Variants in SYT16 observed in about 807,000 individuals in gnomAD.
SYT16 encodes synaptotagmin 16.
Under a neutral mutation model 61.4 loss-of-function variants are expected in SYT16, and 42 were observed. That is an observed-to-expected ratio of 0.68 (90% confidence interval 0.53 to 0.89). The LOEUF (loss-of-function observed/expected upper bound fraction) is 0.89, where lower values mean the gene tolerates loss of function less well. Ranked by LOEUF, SYT16 falls within the 40% of genes least tolerant of loss-of-function variation. The probability of loss-of-function intolerance (pLI) is 0.00; values close to 1 mark genes in which losing one functional copy is unlikely to be tolerated. For synonymous variants in SYT16, 314 were observed against 302.3 expected (o/e 1.04, Z -0.40); for missense variants, 804 against 807.3 (o/e 1.00, Z 0.05).
intron 1 of SYT16, among the ~76,000 whole-genome samples, chr14:61,822,050 C>G (rs1333730070): frequency 6.6e-6 from 1 of 152,164 alleles, no homozygotes; most frequent in Non-Finnish European, 1.5e-5. Flanking sequence ...CATGAGCAAG[C>G]TGCAGAACCA....
rs539036186 is a variant in SYT16 at position 61,903,612 on chromosome 14, T to G, written c.-324-66520T>G. ...ATATCCTTAATGCTTAGAACATGAC[T>G]GGGCTTAATAAATATTAAGTAGGTG... is the stretch of plus-strand genomic sequence containing the variant. On this transcript the variant is annotated intron_variant, in intron 1 of 7. Coordinates refer to ENST00000683842, the MANE Select transcript of SYT16 (RefSeq NM_001367656.1). Among the ~76,000 whole-genome samples, 10 of 152,342 alleles carry G rather than the reference T, an allele frequency of 6.6e-5. 1 individual carries two copies. The South Asian group carries it at 2.1e-3, about 32-fold the overall frequency.
chr14:62,112,624 C>G (rs1427464358), downstream of SYT16: 1 of 152,002 alleles, frequency 6.6e-6, no homozygotes, highest in Non-Finnish European at 1.5e-5. Flanking sequence ...TTTTATGGGC[C>G]TGAATGATAC....
chr14:61,980,251 C>G (rs2052014097), intron 2 of SYT16, among the ~76,000 whole-genome samples: 1 of 152,162 alleles, frequency 6.6e-6, no homozygotes, highest in Non-Finnish European at 1.5e-5. Context: ...ATTTCTCTCA[C>G]TATGGGTTAC....
chr14:61,983,126 T>C (rs149057129), intron 2 of SYT16, among the ~76,000 whole-genome samples: 110 of 152,332 alleles, frequency 7.2e-4, no homozygotes, highest in Middle Eastern at 6.8e-3. Context: ...TTGAAGTGGG[T>C]GTCTACGAGT....
At position 62,105,197 on chromosome 14, in the gene SYT16, C is replaced by G. The variant is rs2057492678; in HGVS notation, c.*4490C>G. On this transcript the variant is annotated 3_prime_UTR_variant, in exon 8 of 8. Transcript: ENST00000683842. ...CCCTTAGTTTGGAGGGAGTACAAAT[C>G]CTTGATGGTTTGTGTGTACCTCTTG... The G allele has an allele frequency of 6.6e-6, 1 of 152,114 alleles. No homozygotes were observed. Among genetic ancestry groups the G allele is most frequent in the South Asian group, 2.1e-4 (1 of 4,828 alleles). 9.4% of individuals were successfully genotyped at this position (152,114 alleles called of 1,614,324 possible).
chr14:61,949,636 C>G (rs1262175573), intron 1 of SYT16, among the ~76,000 whole-genome samples: 2 of 152,108 alleles, frequency 1.3e-5, no homozygotes, highest in African/African-American at 4.8e-5. Context: ...TTCTTGTATT[C>G]TTAACCAACA....
At chr14:62,007,406 A>G (rs1422670346) in intron 3 of SYT16, among the ~76,000 whole-genome samples, 4 of 152,268 alleles carry the variant, frequency 2.6e-5, no homozygotes, top group Admixed American at 2.6e-4. Flanking sequence ...AAAAGGTTTA[A>G]TATTCTGTGG....
intron 1 of SYT16, among the ~76,000 whole-genome samples, chr14:61,912,117 A>G (rs914326358): frequency 1.3e-5 from 2 of 152,180 alleles, no homozygotes; most frequent in Non-Finnish European, 2.9e-5. Context: ...CCATTTTAGA[A>G]TGAATTTTGA....
chr14:61,854,074 T>G lies in SYT16; in HGVS notation c.-325+41264T>G, dbSNP rs557466574. ...TTGCTTTAGCCTATATATATTAGGT[T>G]GATACACACACACCCCCACCCCAAT... On this transcript the variant is annotated intron_variant, in intron 1 of 7. Transcript: ENST00000683842. Among the ~76,000 whole-genome samples the G allele has an allele frequency of 2.0e-5, 3 of 152,268 alleles. No individual in the cohort carries two copies. The East Asian group carries it at 5.8e-4, about 29-fold the overall frequency.
chr14:61,952,276 C>T (rs2050703713), intron 1 of SYT16, among the ~76,000 whole-genome samples: 1 of 152,104 alleles, frequency 6.6e-6, no homozygotes, highest in South Asian at 2.1e-4. Context: ...TCACCTTTTG[C>T]TGGTTTTCTA....
intron 3 of SYT16, among the ~76,000 whole-genome samples, chr14:62,052,191 A>G (rs185847662): frequency 7.9e-5 from 12 of 152,214 alleles, no homozygotes; most frequent in Admixed American, 2.6e-4. Context: ...TTGCTTTCTA[A>G]TATGTGCATT....
intron 1 of SYT16, among the ~76,000 whole-genome samples, chr14:61,842,720 A>G (rs2140255108): frequency 6.6e-6 from 1 of 151,974 alleles, no homozygotes; most frequent in Non-Finnish European, 1.5e-5. Context: ...GTGGGAATTG[A>G]ACAATGAGAA....
Position 62,075,244 on chromosome 14 carries a change from C to G in SYT16, c.846C>G (p.His282Gln). The G allele has an allele frequency of 6.2e-7, 1 of 1,613,876 alleles. No homozygotes were observed. Among genetic ancestry groups the G allele is most frequent in the Non-Finnish European group, 8.5e-7 (1 of 1,179,836 alleles). ...QSPCERGDAK[H>Q]HGTSHQESSV... ...CATGTGAAAGAGGGGATGCCAAACA[C>G]CACGGCACATCTCACCAAGAGTCCA... Residue 282 changes from histidine (H) to glutamine (Q), a missense_variant, in exon 5 of 8, where the codon CAC becomes CAG. Transcript: ENST00000683842.
intron 1 of SYT16, among the ~76,000 whole-genome samples, chr14:61,845,953 A>G (rs2046435975): frequency 2.0e-5 from 3 of 152,176 alleles, no homozygotes; most frequent in Admixed American, 2.0e-4. Flanking sequence ...ATTCAGGAGC[A>G]TATTGTTTAA....
At chr14:62,008,945 T>C (rs985331038) in intron 3 of SYT16, among the ~76,000 whole-genome samples, 3 of 152,176 alleles carry the variant, frequency 2.0e-5, no homozygotes, top group Non-Finnish European at 4.4e-5. Flanking sequence ...TGAGCACATA[T>C]ACTGGAGTTT....
At chr14:61,885,202 C>A (rs1187645460) in intron 1 of SYT16, among the ~76,000 whole-genome samples, 1 of 152,134 alleles carries the variant, frequency 6.6e-6, no homozygotes, top group South Asian at 2.1e-4. Flanking sequence ...GGCTCTTGAA[C>A]CAGACTCTTG....
At chr14:61,818,364 C>G (rs1384610065) in intron 1 of SYT16, among the ~76,000 whole-genome samples, 1 of 152,124 alleles carries the variant, frequency 6.6e-6, no homozygotes, top group Non-Finnish European at 1.5e-5. Context: ...TTTTATCAGA[C>G]TTCAGTAGCA....
At chr14:62,088,431 T>C (rs1417723390) in intron 7 of SYT16, among the ~76,000 whole-genome samples, 1 of 152,182 alleles carries the variant, frequency 6.6e-6, no homozygotes, top group African/African-American at 2.4e-5. Flanking sequence ...AGGAATGGTA[T>C]TGGTGCTAGG....
intron 3 of SYT16, among the ~76,000 whole-genome samples, chr14:62,063,608 A>T: frequency 6.6e-6 from 1 of 152,170 alleles, no homozygotes. Context: ...CGTGGGTGAT[A>T]CTACTCCCAA....
Sources: allele counts gnomAD v4.1 joint callset (sites outside exome capture counted in the v4.1 genomes callset), GRCh38; gene constraint gnomAD v4.1.1; transcripts MANE v1.5; gene names NCBI Gene and HGNC (gene_info 2026-07-23, HGNC 2026-07-21).